Variants in ZNF185 observed in about 807,000 individuals in gnomAD.
ZNF185 encodes zinc finger protein 185.
ZNF185 carries 56 observed loss-of-function variants against 58.6 expected under a neutral mutation model. The ratio of observed to expected loss-of-function variants is 0.95; its 90% CI spans 0.77 to 1.19. The LOEUF (loss-of-function observed/expected upper bound fraction) is 1.19, where lower values mean the gene tolerates loss of function less well. Ranked by LOEUF, ZNF185 falls within the 50% of genes most tolerant of loss-of-function variation. ZNF185 has a pLI of 0.00. For missense variants in ZNF185, 627 were observed against 573.5 expected, an observed-to-expected ratio of 1.09 and a Z score of -0.95; for synonymous variants, 230 against 215.9, an observed-to-expected ratio of 1.07 and a Z score of -0.57.
exon 11 of ZNF185, chrX:152,922,792 T>G (rs782248710): frequency 1.7e-6 from 2 of 1,195,010 alleles, no homozygotes; most frequent in African/African-American, 1.8e-5. Flanking sequence ...CTAGCCCCGC[T>G]GGGAGCCAGG....
intron 11 of ZNF185, among the ~76,000 whole-genome samples, chrX:152,925,435 A>G (rs5969924): frequency 0.099 from 11,102 of 112,376 alleles, 442 homozygotes; most frequent in Middle Eastern, 0.11. Context: ...TATGGTTGTC[A>G]TTGCAAGGTG....
At chrX:152,937,850 A>G (rs2046516461) in intron 14 of ZNF185, among the ~76,000 whole-genome samples, 1 of 112,424 alleles carries the variant, frequency 8.9e-6, no homozygotes, top group African/African-American at 3.2e-5. Context: ...GGTCAGGGGC[A>G]GTGTTTGCTC....
intron 16 of ZNF185, among the ~76,000 whole-genome samples, chrX:152,947,905 GAAAAA>G (rs1218524408): frequency 1.8e-5 from 2 of 110,969 alleles, no homozygotes; most frequent in Non-Finnish European, 3.8e-5. Context: ...GTCTCAAAAA[GAAAAA>G]AAGAGGGGAT....
At chrX:152,920,236 C>A in intron 7 of ZNF185, 92 bp from the exon 9 acceptor site, 1 of 932,089 alleles carries the variant, frequency 1.1e-6, no homozygotes, top group East Asian at 3.2e-5. Context: ...CTGGGGTGGC[C>A]CTAAGTCACC....
chrX:152,900,482 G>A, the ZNF185 span, among the ~76,000 whole-genome samples: 5 of 113,122 alleles, frequency 4.4e-5, no homozygotes, highest in Non-Finnish European at 7.5e-5. Context: ...AGTCCCTGGC[G>A]GCATGGGACA....
At chrX:152,906,438 C>T in the ZNF185 span, among the ~76,000 whole-genome samples, 2,220 of 113,314 alleles carry the variant, frequency 0.02, 52 homozygotes, top group African/African-American at 0.066. Flanking sequence ...TCCTGAAACA[C>T]AGCCAGAGGT....
At chrX:152,944,330 G>A (rs892807697) in intron 15 of ZNF185, among the ~76,000 whole-genome samples, 3 of 112,526 alleles carry the variant, frequency 2.7e-5, no homozygotes, top group East Asian at 5.6e-4. Context: ...TTCTTGTCTC[G>A]GGGTAGCCCC....
chrX:152,949,480 T>A (rs2048088885), intron 16 of ZNF185, among the ~76,000 whole-genome samples: 1 of 112,466 alleles, frequency 8.9e-6, no homozygotes, highest in African/African-American at 3.2e-5. Context: ...GTCACTGGCA[T>A]GGCATCTCAG....
At chrX:152,939,670 A>G (rs1346854328) in intron 15 of ZNF185, among the ~76,000 whole-genome samples, 1 of 108,626 alleles carries the variant, frequency 9.2e-6, no homozygotes, top group Non-Finnish European at 1.9e-5. Context: ...TGAGGGACTC[A>G]CTCCTGTAAT....
chrX:152,945,906 A>C (rs1224410279), intron 16 of ZNF185, among the ~76,000 whole-genome samples: 1 of 111,889 alleles, frequency 8.9e-6, no homozygotes, highest in Admixed American at 9.5e-5. Context: ...AAGCAGAGAG[A>C]GAGAGGCCAG....
chrX:152,928,339 C>A (rs1941262143), intron 11 of ZNF185, among the ~76,000 whole-genome samples: 1 of 111,935 alleles, frequency 8.9e-6, no homozygotes, highest in Non-Finnish European at 1.9e-5. Context: ...CCCAGAAGGG[C>A]CCTTGCTGTG....
chrX:152,939,467 T>C (rs1204877366), intron 15 of ZNF185, among the ~76,000 whole-genome samples: 1 of 112,187 alleles, frequency 8.9e-6, no homozygotes, highest in African/African-American at 3.2e-5. Context: ...GAAGAGGCTC[T>C]AAGAAAATCC....
chrX:152,914,336 G>T (rs1248079945), upstream of ZNF185: 3 of 499,388 alleles, frequency 6.0e-6, no homozygotes, highest in African/African-American at 7.3e-5. Flanking sequence ...TGCCACCCCC[G>T]ATGTGCAGAG....
chrX:152,920,589 C>A, intron 8 of ZNF185, 118 bp from the exon 10 acceptor site: 1 of 1,037,472 alleles, frequency 9.6e-7, no homozygotes, highest in East Asian at 3.0e-5. Flanking sequence ...GCGGCTACCA[C>A]CAGGGACAGT....
chrX:152,946,632 G>A (rs1230441190), intron 16 of ZNF185, among the ~76,000 whole-genome samples: 2 of 111,723 alleles, frequency 1.8e-5, no homozygotes, highest in Admixed American at 9.5e-5. Context: ...TTCGTTTTGC[G>A]GGGGAGTGTC....
upstream of ZNF185, among the ~76,000 whole-genome samples, chrX:152,910,805 C>T (rs782520960): frequency 2.7e-5 from 3 of 112,268 alleles, no homozygotes; most frequent in South Asian, 1.1e-3. Context: ...TCCCTTCCCA[C>T]AAGAGCCACC....
At chrX:152,922,994 T>C in intron 11 of ZNF185, among the ~76,000 whole-genome samples, 185 bp downstream of exon 12, 1 of 112,496 alleles carries the variant, frequency 8.9e-6, no homozygotes, top group Non-Finnish European at 1.9e-5. Context: ...CCTGAGAATC[T>C]GGGCAGATAA....
chrX:152,940,640 C>CA, intron 15 of ZNF185, among the ~76,000 whole-genome samples: 1 of 112,004 alleles, frequency 8.9e-6, no homozygotes, highest in South Asian at 3.7e-4. Flanking sequence ...GTTTCTTATT[C>CA]AGACCTTTAA....
At chrX:152,961,776 T>G (rs190496824) in intron 17 of ZNF185, among the ~76,000 whole-genome samples, 1 of 112,669 alleles carries the variant, frequency 8.9e-6, no homozygotes, top group Non-Finnish European at 1.9e-5. Context: ...GACTCACTCA[T>G]TTAATTCTCA....
Sources: gnomAD v4.1 joint callset for allele counts (sites outside exome capture counted in the v4.1 genomes callset) on GRCh38, gnomAD v4.1.1 for gene constraint, MANE v1.5 for transcripts, NCBI Gene and HGNC (gene_info 2026-07-23, HGNC 2026-07-21) for gene names.